CAMKMT: variants seen among roughly 807,000 people sequenced by gnomAD.
The protein encoded by CAMKMT is calmodulin-lysine N-methyltransferase.
A neutral mutation model predicts 48.0 loss-of-function variants in CAMKMT; 53 were observed. The ratio of observed to expected loss-of-function variants is 1.10; its 90% confidence interval spans 0.89 to 1.39. CAMKMT has a LOEUF of 1.39. Ranked by LOEUF, CAMKMT falls within the 40% of genes most tolerant of loss-of-function variation. The probability of loss-of-function intolerance (pLI) is 0.00; values close to 1 mark genes in which losing one functional copy is unlikely to be tolerated. For missense variants in CAMKMT, 428 were observed against 402.7 expected, an observed-to-expected ratio of 1.06 and a Z score of -0.54; for synonymous variants, 165 against 152.3, an observed-to-expected ratio of 1.08 and a Z score of -0.61.
intron 3 of CAMKMT, among the ~76,000 whole-genome samples, chr2:44,416,365 T>C (rs190035474): frequency 1.1e-4 from 16 of 152,236 alleles, no homozygotes; most frequent in Middle Eastern, 3.4e-3. Context: ...GTTTTGAAAG[T>C]TTTATACATT....
chr2:44,677,691 G>A (rs1675790052), intron 3 of CAMKMT, among the ~76,000 whole-genome samples: 1 of 146,870 alleles, frequency 6.8e-6, no homozygotes, highest in African/African-American at 2.5e-5. Flanking sequence ...CTGGGCAACA[G>A]AATTGAGACT....
At chr2:44,751,487 T>A (rs1392077800) in intron 8 of CAMKMT, among the ~76,000 whole-genome samples, 1 of 152,168 alleles carries the variant, frequency 6.6e-6, no homozygotes, top group Non-Finnish European at 1.5e-5. Flanking sequence ...AACTACCTCA[T>A]AGGATTGATG....
At chr2:44,644,388 TGGAATG>T (rs1401632050) in intron 3 of CAMKMT, among the ~76,000 whole-genome samples, 10 of 152,234 alleles carry the variant, frequency 6.6e-5, no homozygotes, top group African/African-American at 2.4e-4. Context: ...GTTACTCAGA[TGGAATG>T]GTAACAACTT....
At chr2:44,760,014 T>G (rs962903652) in intron 9 of CAMKMT, among the ~76,000 whole-genome samples, 1 of 152,178 alleles carries the variant, frequency 6.6e-6, no homozygotes, top group South Asian at 2.1e-4. Flanking sequence ...TGCTATCTGC[T>G]TGGCACTGAC....
At chr2:44,674,460 G>A (rs1252364613) in intron 3 of CAMKMT, among the ~76,000 whole-genome samples, 2 of 152,110 alleles carry the variant, frequency 1.3e-5, no homozygotes, top group Non-Finnish European at 2.9e-5. Flanking sequence ...TTAAATAAAT[G>A]AAGAAAAACA....
intron 6 of CAMKMT, among the ~76,000 whole-genome samples, chr2:44,707,706 C>A (rs758634802): frequency 6.6e-6 from 1 of 151,980 alleles, no homozygotes; most frequent in Admixed American, 6.6e-5. Context: ...GTGGACCTCC[C>A]GAGGCAATAA....
At chr2:44,654,515 G>A (rs1463791245) in intron 3 of CAMKMT, among the ~76,000 whole-genome samples, 2 of 151,856 alleles carry the variant, frequency 1.3e-5, no homozygotes, top group Admixed American at 6.6e-5. Context: ...ACCATTTTTC[G>A]TTTTTGTTTT....
intron 3 of CAMKMT, among the ~76,000 whole-genome samples, chr2:44,444,854 G>T (rs1444304563): frequency 6.6e-6 from 1 of 152,130 alleles, no homozygotes. Flanking sequence ...CATGTCACAG[G>T]ACATCCAAGG....
rs201772472 is a variant in CAMKMT at position 44,390,219 on chromosome 2, C to G, written c.312-22C>G. 1.8e-5 allele frequency: 29 copies of G among 1,589,224 alleles called. No homozygotes were observed. In the African/African-American group the frequency reaches 3.2e-4, roughly 18 times the overall value. ...TGTTAACATTTCAGAATCATTAAAGCAAACGCTTTACTCCTTTCTAGGCAT... is the reference window on the plus strand; with the variant it reads ...TGTTAACATTTCAGAATCATTAAAGGAAACGCTTTACTCCTTTCTAGGCAT... On this transcript the variant is annotated intron_variant, in intron 2 of 10. Transcript: ENST00000378494.
chr2:44,406,817 G>A (rs749582687), intron 3 of CAMKMT, among the ~76,000 whole-genome samples: 1 of 152,146 alleles, frequency 6.6e-6, no homozygotes, highest in Admixed American at 6.5e-5. Flanking sequence ...CAGCCAGGCT[G>A]GTCTAGAACT....
chr2:44,718,696 T>C (rs192005713), intron 7 of CAMKMT, among the ~76,000 whole-genome samples: 11 of 152,346 alleles, frequency 7.2e-5, no homozygotes, highest in Non-Finnish European at 1.0e-4. Context: ...CTCTGGTTAA[T>C]ATTAGTTGAG....
intron 3 of CAMKMT, among the ~76,000 whole-genome samples, chr2:44,640,786 G>T (rs1673407079): frequency 6.6e-6 from 1 of 152,088 alleles, no homozygotes; most frequent in Admixed American, 6.6e-5. Flanking sequence ...CCTCTGTAAT[G>T]TTGCTATTGA....
intron 9 of CAMKMT, among the ~76,000 whole-genome samples, chr2:44,764,724 T>G (rs1680766192): frequency 6.6e-6 from 1 of 152,194 alleles, no homozygotes; most frequent in African/African-American, 2.4e-5. Flanking sequence ...TAAAATGCAA[T>G]GTCTACTGTA....
chr2:44,730,099 TG>T (rs934275104), intron 7 of CAMKMT, among the ~76,000 whole-genome samples: 1 of 152,286 alleles, frequency 6.6e-6, no homozygotes, highest in Admixed American at 6.5e-5. Flanking sequence ...AGGAGAAAGA[TG>T]GTATCAGATA....
chr2:44,606,160 C>G (rs955333773), intron 3 of CAMKMT, among the ~76,000 whole-genome samples: 1 of 152,052 alleles, frequency 6.6e-6, no homozygotes, highest in Non-Finnish European at 1.5e-5. Context: ...TACTACTTTC[C>G]CCAATCTGGA....
chr2:44,491,731 A>C (rs1211890081), intron 3 of CAMKMT, among the ~76,000 whole-genome samples: 2 of 152,108 alleles, frequency 1.3e-5, no homozygotes, highest in African/African-American at 4.8e-5. Context: ...CAGACCATAC[A>C]CTTTTCTTGT....
rs562893915 is a variant in CAMKMT, at chr2:44,615,019, C to T, written c.377-89264C>T. On this transcript the variant is annotated intron_variant, in intron 3 of 10. Transcript: ENST00000378494. ...GTGCAGTGGTGACATCATAGCTCAC[C>T]TGGGCTCAAGCAATCCTGCCATCTC... Among the ~76,000 whole-genome samples the T allele has an allele frequency of 1.7e-4, 23 of 135,930 alleles. No individual in the cohort carries two copies. The South Asian group carries it at 5.2e-3, about 31-fold the overall frequency. The allele number at this position is 135,930 out of a possible 152,430, so 89.2% of individuals were successfully genotyped here.
chr2:44,378,339 A>G (rs1384218109), intron 2 of CAMKMT, among the ~76,000 whole-genome samples: 2 of 152,208 alleles, frequency 1.3e-5, no homozygotes, highest in Non-Finnish European at 2.9e-5. Context: ...CCAAATCCCA[A>G]TATAGTACAT....
chr2:44,759,844 G>A (rs1363530223), intron 9 of CAMKMT, among the ~76,000 whole-genome samples: 3 of 152,196 alleles, frequency 2.0e-5, no homozygotes, highest in African/African-American at 4.8e-5. Flanking sequence ...CCCCAAAGAC[G>A]TTGCAGTCTG....
Sources: gnomAD v4.1 joint callset for allele counts (sites outside exome capture counted in the v4.1 genomes callset) on GRCh38, gnomAD v4.1.1 for gene constraint, MANE v1.5 for transcripts, NCBI Gene and HGNC (gene_info 2026-07-23, HGNC 2026-07-21) for gene names.